The following PTPRD variants were observed in gnomAD, a reference collection of about 807,000 sequenced individuals.
The protein encoded by PTPRD is receptor-type tyrosine-protein phosphatase delta.
In PTPRD, 34 loss-of-function variants were observed where a neutral mutation model predicts 214.5. That is an observed-to-expected ratio of 0.16 (90% CI 0.12 to 0.21). PTPRD has a LOEUF of 0.21. Ranked by LOEUF, PTPRD falls within the 10% of genes least tolerant of loss-of-function variation. The probability of loss-of-function intolerance (pLI) is 1.00; values close to 1 mark genes in which losing one functional copy is unlikely to be tolerated. For synonymous variants in PTPRD, 1,128 were observed against 845.7 expected (o/e 1.33, Z -5.79); for missense variants, 2,545 against 2,398.7 (o/e 1.06, Z -1.27).
chr9:10,478,325 G>A (rs2099076252), intron 2 of PTPRD, among the ~76,000 whole-genome samples: 2 of 152,074 alleles, frequency 1.3e-5, no homozygotes, highest in African/African-American at 2.4e-5. Context: ...TATAAAATAT[G>A]AATTTTAAGC....
At chr9:9,641,460 C>A (rs188078031) in intron 7 of PTPRD, among the ~76,000 whole-genome samples, 1 of 152,144 alleles carries the variant, frequency 6.6e-6, no homozygotes, top group Non-Finnish European at 1.5e-5. Flanking sequence ...ACCCCATGAA[C>A]TGAGCACACT....
chr9:8,724,464 C>T (rs1009615593), intron 12 of PTPRD, among the ~76,000 whole-genome samples: 1 of 152,188 alleles, frequency 6.6e-6, no homozygotes, highest in Non-Finnish European at 1.5e-5. Flanking sequence ...GATCTCAAGG[C>T]CACTCTGGCT....
At chr9:9,170,751 A>G (rs967082156) in intron 10 of PTPRD, among the ~76,000 whole-genome samples, 3 of 152,238 alleles carry the variant, frequency 2.0e-5, no homozygotes, top group African/African-American at 7.2e-5. Context: ...TTATTGATCC[A>G]TCCAACCTAG....
rs759059329 is a variant in PTPRD at position 9,941,808 on chromosome 9, C to A, written c.-471-3198G>T. On this transcript the variant is annotated intron_variant, in intron 4 of 45. Transcript: ENST00000381196. ...TGTAACTTTTCTCTGGGAAGCCTTG[C>A]TGGAAAATTCATGTCATTCATTCCA... Among the ~76,000 whole-genome samples the A allele has an allele frequency of 6.6e-5, 10 of 152,242 alleles. No homozygotes were observed. The South Asian group carries it at 2.1e-3, about 32-fold the overall frequency.
chr9:9,292,079 G>C (rs1951339499), intron 9 of PTPRD, among the ~76,000 whole-genome samples: 1 of 151,296 alleles, frequency 6.6e-6, no homozygotes, highest in African/African-American at 2.4e-5. Context: ...GAGCTTTGCA[G>C]CTTTGTATTA....
chr9:8,388,982 CTTT>C (rs34248103), intron 37 of PTPRD, among the ~76,000 whole-genome samples: 4,438 of 130,104 alleles, frequency 0.034, 134 homozygotes, highest in African/African-American at 0.092. Context: ...GTGAATATTC[CTTT>C]TTTTTTTTTT....
chr9:10,190,758 C>T (rs1437971320), intron 3 of PTPRD, among the ~76,000 whole-genome samples: 3 of 140,734 alleles, frequency 2.1e-5, no homozygotes. Flanking sequence ...AAGTGGTGTT[C>T]AGATCAGCAT....
intron 5 of PTPRD, among the ~76,000 whole-genome samples, chr9:9,862,548 A>G (rs60587837): frequency 0.029 from 4,424 of 152,306 alleles, 195 homozygotes; most frequent in African/African-American, 0.1. Context: ...CTGACATGGC[A>G]AAGGCTTCAG....
At chr9:9,403,290 CAAA>C (rs56105335) in intron 8 of PTPRD, among the ~76,000 whole-genome samples, 1 of 60,668 alleles carries the variant, frequency 1.6e-5, no homozygotes, top group African/African-American at 7.4e-5. Context: ...TACTCTGTCT[CAAA>C]AAAAAAAAAA....
intron 8 of PTPRD, among the ~76,000 whole-genome samples, chr9:9,482,540 T>A (rs1158625380): frequency 6.6e-6 from 1 of 152,076 alleles, no homozygotes; most frequent in Non-Finnish European, 1.5e-5. Flanking sequence ...GGCACAAGGA[T>A]GAGAAAAGCC....
chr9:9,793,508 A>G (rs780890042), intron 5 of PTPRD, among the ~76,000 whole-genome samples: 2 of 152,132 alleles, frequency 1.3e-5, no homozygotes, highest in African/African-American at 2.4e-5. Context: ...GGACAGATAG[A>G]TATGTACGTC....
chr9:8,733,531 T>TA (rs199835877), intron 12 of PTPRD, among the ~76,000 whole-genome samples: 2,130 of 151,922 alleles, frequency 0.014, 24 homozygotes, highest in Middle Eastern at 0.024. Flanking sequence ...ATAAGAGGTA[T>TA]AAAAAAATAA....
chr9:9,922,008 T>C (rs772177880), intron 5 of PTPRD, among the ~76,000 whole-genome samples: 1 of 152,084 alleles, frequency 6.6e-6, no homozygotes, highest in Non-Finnish European at 1.5e-5. Context: ...CATAATTCAA[T>C]AAATTGTGGA....
chr9:9,325,671 G>A (rs1486265335), intron 9 of PTPRD, among the ~76,000 whole-genome samples: 1 of 152,100 alleles, frequency 6.6e-6, no homozygotes. Context: ...TTTCCTAAGT[G>A]AATACCCTTT....
At chr9:9,698,934 T>C (rs1207200264) in intron 7 of PTPRD, among the ~76,000 whole-genome samples, 1 of 152,166 alleles carries the variant, frequency 6.6e-6, no homozygotes, top group Non-Finnish European at 1.5e-5. Flanking sequence ...ATATAAATGG[T>C]GATATATTGC....
intron 9 of PTPRD, among the ~76,000 whole-genome samples, chr9:9,242,160 T>C (rs370710617): frequency 3.9e-5 from 6 of 152,296 alleles, no homozygotes; most frequent in Admixed American, 6.5e-5. Flanking sequence ...TTTAAGAATG[T>C]TGAATATTGG....
intron 3 of PTPRD, among the ~76,000 whole-genome samples, chr9:10,232,653 T>C (rs566129492): frequency 2.1e-4 from 32 of 152,036 alleles, no homozygotes; most frequent in African/African-American, 7.0e-4. Context: ...AGAAGAGGGG[T>C]AAATTCCTTC....
chr9:9,264,392 A>G (rs1938038412), intron 9 of PTPRD, among the ~76,000 whole-genome samples: 1 of 151,696 alleles, frequency 6.6e-6, no homozygotes, highest in South Asian at 2.1e-4. Flanking sequence ...TTGAAGTAAA[A>G]AATGCAATAG....
chr9:10,371,577 A>T (rs1565605388), intron 2 of PTPRD, among the ~76,000 whole-genome samples: 1 of 151,902 alleles, frequency 6.6e-6, no homozygotes, highest in Non-Finnish European at 1.5e-5. Context: ...TATCTTGGAA[A>T]CTTCTTCTCT....
Sources: allele counts gnomAD v4.1 joint callset (sites outside exome capture counted in the v4.1 genomes callset), GRCh38; gene constraint gnomAD v4.1.1; transcripts MANE v1.5; gene names NCBI Gene and HGNC (gene_info 2026-07-23, HGNC 2026-07-21).